The following PXDN variants were observed in gnomAD, a reference collection of about 807,000 sequenced individuals.
PXDN encodes the protein peroxidasin homolog.
A neutral mutation model predicts 140.3 loss-of-function variants in PXDN; 77 were observed. That is an observed-to-expected ratio of 0.55 (90% confidence interval 0.46 to 0.66). The LOEUF (loss-of-function observed/expected upper bound fraction) is 0.66, where lower values mean the gene tolerates loss of function less well. Ranked by LOEUF, PXDN falls within the 30% of genes least tolerant of loss-of-function variation. The pLI is 0.00. For missense variants in PXDN, 1,838 were observed against 2,039.5 expected (o/e 0.90, Z 1.90); for synonymous variants, 911 against 857.4 (o/e 1.06, Z -1.09).
chr2:1,740,291 G>T (rs980116959), intron 1 of PXDN, among the ~76,000 whole-genome samples: 1 of 152,206 alleles, frequency 6.6e-6, no homozygotes, highest in Non-Finnish European at 1.5e-5. Context: ...CTATCTGCGT[G>T]TGAGGAGGAG....
upstream of PXDN, chr2:1,744,542 A>C: frequency 8.7e-7 from 1 of 1,144,334 alleles, no homozygotes; most frequent in Middle Eastern, 3.3e-4. Flanking sequence ...CCCACGTCCC[A>C]GCTGTGCGCG....
At position 1,662,108 on chromosome 2, in the gene PXDN, G is replaced by A. The variant is rs1683318982; in HGVS notation, c.1644C>T (p.Ser548=). Residue 548 remains serine (S), a synonymous_variant, in exon 13 of 23, where the codon TCC becomes TCT. Coordinates refer to ENST00000252804, the MANE Select transcript of PXDN (RefSeq NM_012293.3). ...TGATGGCTGGCTCGGGCTCGCCCTG[G>A]GAGCTGCACGGGAGCTGCACATTGG... ...VGANVQLPCS[S]QGEPEPAITW... The A allele has an allele frequency of 6.3e-7, 1 of 1,597,120 alleles. No individual in the cohort carries two copies. The highest frequency in any genetic ancestry group is 1.7e-5 in the Admixed American group (1 of 57,452).
At chr2:1,744,579 A>T (rs1318867412), upstream of PXDN, 4 of 818,816 alleles carry the variant, frequency 4.9e-6, no homozygotes, top group Non-Finnish European at 6.4e-6. Flanking sequence ...AGCTGTGCAC[A>T]TGCGCGAGGC....
chr2:1,685,132 C>T lies in PXDN; in HGVS notation c.417-981G>A, dbSNP rs900779095. 2.0e-5 allele frequency among the ~76,000 whole-genome samples: 3 copies of T among 152,224 alleles called. No homozygotes were observed. Among genetic ancestry groups the T allele is most frequent in the African/African-American group, 4.8e-5 (2 of 41,456 alleles). ...GCACCAGAGTGCGGCTGCCAGGGCC[C>T]GCCCCGTCCCGGGGCCAGCTCCCCA... On this transcript the variant is annotated intron_variant, in intron 4 of 22. Coordinates refer to ENST00000252804, the MANE Select transcript of PXDN (RefSeq NM_012293.3). The surrounding 1 kb of genome is among the most constrained non-coding windows in gnomAD (Gnocchi z 5.1).
chr2:1,719,871 TGTGAAA>T (rs1403387510), intron 1 of PXDN, among the ~76,000 whole-genome samples: 3 of 131,266 alleles, frequency 2.3e-5, no homozygotes, highest in Admixed American at 7.5e-5. Flanking sequence ...TGTGTGTGTG[TGTGAAA>T]GAGAGAGAGG....
intron 1 of PXDN, among the ~76,000 whole-genome samples, chr2:1,707,464 G>A (rs1244693515): frequency 6.6e-6 from 1 of 152,218 alleles, no homozygotes; most frequent in African/African-American, 2.4e-5. Context: ...CCTCATCCAC[G>A]CCTTCTGAAC....
At position 1,687,818 on chromosome 2, in the gene PXDN, G is replaced by A; in HGVS notation, c.345-115C>T. ...AGTTTTACAATTAATGACTGTATTAGAATGCAAACAAACCATCTGCACGGT... is the reference window on the plus strand; with the variant it reads ...AGTTTTACAATTAATGACTGTATTAAAATGCAAACAAACCATCTGCACGGT... On this transcript the variant is annotated intron_variant, in intron 3 of 22. Coordinates refer to ENST00000252804, the MANE Select transcript of PXDN (RefSeq NM_012293.3). The surrounding 1 kb of genome is among the most constrained non-coding windows in gnomAD (Gnocchi z 4.0). The A allele has an allele frequency of 1.3e-6, 1 of 754,692 alleles. No individual in the cohort carries two copies. The highest frequency in any genetic ancestry group is 2.1e-6 in the Non-Finnish European group (1 of 472,470). The allele number at this position is 754,692 out of a possible 1,614,324, so 46.7% of individuals were successfully genotyped here.
chr2:1,657,293 T>C (rs1683167071), intron 14 of PXDN, among the ~76,000 whole-genome samples: 2 of 145,780 alleles, frequency 1.4e-5, no homozygotes, highest in African/African-American at 5.2e-5. Flanking sequence ...ACCAGCCCCC[T>C]CCTGACAGGG....
intron 17 of PXDN, among the ~76,000 whole-genome samples, chr2:1,645,604 T>C (rs1019721500): frequency 6.6e-6 from 1 of 152,228 alleles, no homozygotes; most frequent in African/African-American, 2.4e-5. Flanking sequence ...TACCGTAGAA[T>C]AAACACAATT....
chr2:1,655,994 TAGATACACACGACACTATACACAC>T (rs1259436581), intron 14 of PXDN, among the ~76,000 whole-genome samples: 1 of 151,376 alleles, frequency 6.6e-6, no homozygotes, highest in Non-Finnish European at 1.5e-5. Flanking sequence ...ATCAAACATA[TAGATACACACGACACTATACACAC>T]AGATACACAC....
At position 1,731,152 on chromosome 2, in the gene PXDN, GCACACA is replaced by G. The variant is rs72079011; in HGVS notation, c.200+13098_200+13103del. On this transcript the variant is annotated intron_variant, in intron 1 of 22. Transcript: ENST00000252804. ...ACAGAACACTGTTGAGAGCGCGCGC[GCACACA>G]CACACACACACACACACACACATGA... Among the ~76,000 whole-genome samples, 82 of 136,054 alleles carry G rather than the reference GCACACA, an allele frequency of 6.0e-4. 1 individual carries two copies. In the East Asian group the frequency reaches 0.014, roughly 24 times the overall value. 89.3% of individuals were successfully genotyped at this position (136,054 alleles called of 152,430 possible). A position where few individuals can be genotyped will look rare whatever the true frequency, so the allele number is the denominator to read the frequency against.
intron 6 of PXDN, among the ~76,000 whole-genome samples, chr2:1,682,919 A>C (rs1177322406): frequency 2.0e-5 from 3 of 152,190 alleles, no homozygotes; most frequent in Non-Finnish European, 4.4e-5. Context: ...TAGACTGGCA[A>C]CAAGAACAAA....
At chr2:1,680,094 T>G (rs1212026523) in intron 7 of PXDN, 99 bp downstream of exon 7, 5 of 1,265,498 alleles carry the variant, frequency 4.0e-6, no homozygotes, top group Non-Finnish European at 5.3e-6. Context: ...TGTGTGTGTG[T>G]GGTGTGTGGA....
chr2:1,721,696 G>A (rs554161883), intron 1 of PXDN, among the ~76,000 whole-genome samples: 5 of 152,270 alleles, frequency 3.3e-5, no homozygotes, highest in East Asian at 1.9e-4. Flanking sequence ...GCTTGGTGGC[G>A]AGCGCCTGTA....
At chr2:1,716,591 A>G (rs1367554670) in intron 1 of PXDN, among the ~76,000 whole-genome samples, 2 of 152,116 alleles carry the variant, frequency 1.3e-5, no homozygotes, top group Non-Finnish European at 2.9e-5. Flanking sequence ...GGCTGGGCAC[A>G]GGGACACCCT....
chr2:1,705,382 A>C lies in PXDN; in HGVS notation c.201-12248T>G, dbSNP rs539366025. Among the ~76,000 whole-genome samples the C allele has an allele frequency of 3.3e-4, 50 of 151,938 alleles. 1 individual carries two copies. In the South Asian group the frequency reaches 0.01, roughly 31 times the overall value. ...TGCGGCTCCCCACGACCTGGGATGC[A>C]GGGTGCAGGGTGCAGCTCCCCATGA... On this transcript the variant is annotated intron_variant, in intron 1 of 22. Coordinates refer to ENST00000252804, the MANE Select transcript of PXDN (RefSeq NM_012293.3).
chr2:1,644,336 C>T (rs1231157939), intron 18 of PXDN, among the ~76,000 whole-genome samples: 1 of 152,032 alleles, frequency 6.6e-6, no homozygotes, highest in African/African-American at 2.4e-5. Flanking sequence ...ATGGACTGTC[C>T]AACAGGTTTA....
chr2:1,640,528 C>T (rs929861443), intron 19 of PXDN, among the ~76,000 whole-genome samples: 5 of 152,172 alleles, frequency 3.3e-5, no homozygotes, highest in African/African-American at 1.2e-4. Flanking sequence ...GCCCCCACAG[C>T]GGAGCCCACA....
intron 1 of PXDN, among the ~76,000 whole-genome samples, chr2:1,708,680 G>T (rs1452790465): frequency 6.6e-6 from 1 of 152,158 alleles, no homozygotes; most frequent in African/African-American, 2.4e-5. Flanking sequence ...CTCACCTCCA[G>T]GCCATGGTGT....
Sources: gnomAD v4.1 joint callset for allele counts (sites outside exome capture counted in the v4.1 genomes callset) on GRCh38, gnomAD v4.1.1 for gene constraint, Gnocchi (gnomAD v3.1) non-coding constraint, MANE v1.5 for transcripts, NCBI Gene and HGNC (gene_info 2026-07-23, HGNC 2026-07-21) for gene names.